Variants in SLC22A23 observed in about 807,000 individuals in gnomAD.
The protein encoded by SLC22A23 is ion transporter protein.
Under a neutral mutation model 61.0 loss-of-function variants are expected in SLC22A23, and 26 were observed. The ratio of observed to expected loss-of-function variants is 0.43; its 90% CI spans 0.31 to 0.59. The LOEUF is 0.59. Among genes scored for constraint, SLC22A23 ranks in the 20% least tolerant of loss-of-function variants. SLC22A23 has a pLI of 0.11. For missense variants in SLC22A23, 796 were observed against 934.7 expected (o/e 0.85, Z 1.94); for synonymous variants, 430 against 413.9 (o/e 1.04, Z -0.47).
In SLC22A23 at chr6:3,273,178, C is replaced by T. The variant is rs1201822142; in HGVS notation, c.1938G>A (p.Lys646=). ...YTRQPLLPHK[K]GEQPLLLTNA... ...TGGTGAGCAGCAGTGGCTGCTCCCC[C>T]TTCTTGTGCGGCAGCAGCGGCTGGC... Residue 646 remains lysine, a synonymous_variant, in exon 10 of 10, where the codon AAG becomes AAA. Transcript: ENST00000406686. 3 of 1,613,036 alleles carry T rather than the reference C, an allele frequency of 1.9e-6. No homozygotes were observed. The highest frequency in any genetic ancestry group is 3.3e-5 in the Admixed American group (2 of 59,998).
At chr6:3,375,211 A>C (rs1358019985) in intron 3 of SLC22A23, among the ~76,000 whole-genome samples, 1 of 152,246 alleles carries the variant, frequency 6.6e-6, no homozygotes, top group Non-Finnish European at 1.5e-5. Context: ...CCTATGAAAA[A>C]AATGAACCAG....
At chr6:3,448,459 C>A (rs932862459) in intron 1 of SLC22A23, among the ~76,000 whole-genome samples, 4 of 152,014 alleles carry the variant, frequency 2.6e-5, no homozygotes, top group Non-Finnish European at 5.9e-5. Context: ...AACCTCAGGA[C>A]AAAGATTCAG....
intron 7 of SLC22A23, 57 bp from the exon 8 acceptor site, chr6:3,285,168 GAGAAGAGAGCAC>G: frequency 6.2e-7 from 1 of 1,606,326 alleles, no homozygotes; most frequent in Non-Finnish European, 8.5e-7. Flanking sequence ...AGCGAGAAGA[GAGAAGAGAGCAC>G]ATTAGGTGTG....
intron 4 of SLC22A23, among the ~76,000 whole-genome samples, chr6:3,305,779 G>A (rs769347354): frequency 8.5e-5 from 13 of 152,164 alleles, no homozygotes; most frequent in South Asian, 6.2e-4. Context: ...GCCAAAAAGC[G>A]ACCTTGAGGA....
chr6:3,298,005 G>A, intron 5 of SLC22A23, 86 bp downstream of exon 5: 2 of 1,402,572 alleles, frequency 1.4e-6, no homozygotes. Context: ...GGTTAAAACA[G>A]CTGTTTGTGC....
chr6:3,345,458 T>G (rs1764380659), intron 3 of SLC22A23, among the ~76,000 whole-genome samples: 1 of 148,944 alleles, frequency 6.7e-6, no homozygotes, highest in South Asian at 2.1e-4. Flanking sequence ...CTCCGCCTCC[T>G]GGGTTCAAGT....
chr6:3,285,776 A>C (rs1482351419), intron 7 of SLC22A23, among the ~76,000 whole-genome samples: 2 of 152,206 alleles, frequency 1.3e-5, no homozygotes, highest in African/African-American at 4.8e-5. Flanking sequence ...AGCCATCTCT[A>C]ATCTAGGCTG....
chr6:3,352,113 A>T (rs898422743), intron 3 of SLC22A23, among the ~76,000 whole-genome samples: 1 of 152,192 alleles, frequency 6.6e-6, no homozygotes, highest in African/African-American at 2.4e-5. Flanking sequence ...CCATGGCAAA[A>T]CCAGGCCCAC....
chr6:3,430,856 G>A (rs1770812034), intron 1 of SLC22A23, among the ~76,000 whole-genome samples: 1 of 152,022 alleles, frequency 6.6e-6, no homozygotes, highest in African/African-American at 2.4e-5. Flanking sequence ...CACCTAAGGT[G>A]GGAAGTTTGA....
chr6:3,373,939 C>T (rs183987779), intron 3 of SLC22A23, among the ~76,000 whole-genome samples: 61 of 152,354 alleles, frequency 4.0e-4, no homozygotes, highest in African/African-American at 1.4e-3. Context: ...GCAATCCTCA[C>T]GGCAACCTTG....
intron 1 of SLC22A23, among the ~76,000 whole-genome samples, chr6:3,417,617 C>G (rs1469672772): frequency 6.6e-6 from 1 of 152,192 alleles, no homozygotes; most frequent in Non-Finnish European, 1.5e-5. Context: ...TTCTTGGGCC[C>G]CATCCCAGGC....
In SLC22A23 at chr6:3,324,767, C is replaced by A. The variant is rs995258882; in HGVS notation, c.914-765G>T. On this transcript the variant is annotated intron_variant, in intron 3 of 9. Transcript: ENST00000406686. The surrounding 1 kb of genome is among the most constrained non-coding windows in gnomAD (Gnocchi z 4.3). ...CCCCGGGCAAGGCCCATGTCTAATT[C>A]ATCTTTGTAGCTCCAAAACCAAAAA... Among the ~76,000 whole-genome samples the A allele has an allele frequency of 6.6e-6, 1 of 152,250 alleles. No homozygotes were observed. Among genetic ancestry groups the A allele is most frequent in the African/African-American group, 2.4e-5 (1 of 41,472 alleles).
intron 1 of SLC22A23, among the ~76,000 whole-genome samples, chr6:3,437,408 T>C (rs1481328264): frequency 6.6e-6 from 1 of 151,956 alleles, no homozygotes. Context: ...CCAGGCGCGG[T>C]GGCTCACGCC....
At chr6:3,446,651 C>G (rs1044077904) in intron 1 of SLC22A23, among the ~76,000 whole-genome samples, 7 of 152,200 alleles carry the variant, frequency 4.6e-5, no homozygotes, top group Non-Finnish European at 8.8e-5. Flanking sequence ...CCCCAGAACC[C>G]CTGCGCAGGC....
intron 4 of SLC22A23, among the ~76,000 whole-genome samples, chr6:3,310,203 G>A (rs1405672615): frequency 6.6e-6 from 1 of 151,726 alleles, no homozygotes; most frequent in African/African-American, 2.4e-5. Flanking sequence ...TCAGCACGCA[G>A]TTCAAGCGGG....
rs987240664 is a variant in SLC22A23 at position 3,398,891 on chromosome 6, C to T, written c.913+11297G>A. Among the ~76,000 whole-genome samples, 4 of 152,076 alleles carry T rather than the reference C, an allele frequency of 2.6e-5. No homozygotes were observed. The South Asian group carries it at 6.3e-4, about 24-fold the overall frequency. On this transcript the variant is annotated intron_variant, in intron 3 of 9. Transcript: ENST00000406686. ...AAAAAATTTAAAAAGTAGCCAGGCA[C>T]GGTGGTGCATGCCTGTGGTCTCTGA...
rs556426836 is a variant in SLC22A23, at chr6:3,437,046, G to A, written c.654+18860C>T. On this transcript the variant is annotated intron_variant, in intron 1 of 9. Transcript: ENST00000406686. ...TGCTGTCAAAGGTCATTTCAGCTTCGCAAAAACTGCTGTTAAAAATGAGAT... is the reference window on the plus strand; with the variant it reads ...TGCTGTCAAAGGTCATTTCAGCTTCACAAAAACTGCTGTTAAAAATGAGAT... Among the ~76,000 whole-genome samples, 14 of 152,184 alleles carry A rather than the reference G, an allele frequency of 9.2e-5. No individual in the cohort carries two copies. The South Asian group carries it at 1.0e-3, about 11-fold the overall frequency.
intron 4 of SLC22A23, among the ~76,000 whole-genome samples, chr6:3,319,323 C>G (rs938011646): frequency 1.4e-4 from 21 of 152,202 alleles, no homozygotes; most frequent in African/African-American, 4.8e-4. Flanking sequence ...TCCCCTTTGT[C>G]TAGAACACTT....
At chr6:3,377,664 G>A (rs1766665409) in intron 3 of SLC22A23, among the ~76,000 whole-genome samples, 2 of 66 alleles carry the variant, frequency 0.03, no homozygotes, top group Middle Eastern at 0.5. Context: ...CTAGGCTGCA[G>A]ATCAGTGATC....
Sources: gnomAD v4.1 joint callset for allele counts (sites outside exome capture counted in the v4.1 genomes callset) on GRCh38, gnomAD v4.1.1 for gene constraint, Gnocchi (gnomAD v3.1) non-coding constraint, MANE v1.5 for transcripts, NCBI Gene and HGNC (gene_info 2026-07-23, HGNC 2026-07-21) for gene names.